Variants in TMEM117 observed in about 807,000 individuals in gnomAD.
TMEM117 encodes transmembrane protein 117.
In TMEM117, 27 loss-of-function variants were observed where a neutral mutation model predicts 52.4. The observed-to-expected ratio is 0.51, with a 90% CI of 0.38 to 0.71. TMEM117 has a LOEUF of 0.71. Ranked by LOEUF, TMEM117 falls within the 30% of genes least tolerant of loss-of-function variation. The pLI, the probability that TMEM117 is intolerant of heterozygous loss-of-function variation, is 0.00. For missense variants in TMEM117, 556 were observed against 630.5 expected (o/e 0.88, Z 1.26); for synonymous variants, 215 against 206.3 (o/e 1.04, Z -0.36).
chr12:43,950,422 G>T (rs924505490), intron 3 of TMEM117, among the ~76,000 whole-genome samples: 3 of 152,102 alleles, frequency 2.0e-5, no homozygotes, highest in Admixed American at 2.0e-4. Flanking sequence ...ATGGGTGATG[G>T]GTGTGGTGGA....
At chr12:44,343,802 A>T (rs1182471699) in intron 6 of TMEM117, among the ~76,000 whole-genome samples, 1 of 152,156 alleles carries the variant, frequency 6.6e-6, no homozygotes, top group Non-Finnish European at 1.5e-5. Flanking sequence ...CAGTGACTGA[A>T]CTTTAAAAAT....
intron 5 of TMEM117, among the ~76,000 whole-genome samples, chr12:44,283,566 C>T (rs1043905472): frequency 1.3e-5 from 2 of 152,294 alleles, no homozygotes; most frequent in Admixed American, 1.3e-4. Flanking sequence ...CCATTTCAAA[C>T]AGCTGTATTT....
the TMEM117 span, among the ~76,000 whole-genome samples, chr12:44,396,648 G>T: frequency 6.6e-6 from 1 of 152,126 alleles, no homozygotes; most frequent in Non-Finnish European, 1.5e-5. Flanking sequence ...AAGGTCAGGA[G>T]TTCGAGACCA....
chr12:43,898,058 A>G (rs977331154), intron 2 of TMEM117, among the ~76,000 whole-genome samples: 9 of 151,872 alleles, frequency 5.9e-5, no homozygotes, highest in Admixed American at 3.9e-4. Flanking sequence ...GCACACACAC[A>G]CACACACACA....
At chr12:44,068,998 G>C (rs946733588) in intron 3 of TMEM117, among the ~76,000 whole-genome samples, 1 of 152,158 alleles carries the variant, frequency 6.6e-6, no homozygotes, top group African/African-American at 2.4e-5. Context: ...TTACCAAGGA[G>C]TTTGAGCCCA....
At chr12:44,323,392 A>G (rs1277478579) in intron 6 of TMEM117, among the ~76,000 whole-genome samples, 1 of 152,218 alleles carries the variant, frequency 6.6e-6, no homozygotes, top group Non-Finnish European at 1.5e-5. Context: ...GCTAGCCAAT[A>G]GTCAAACATA....
chr12:43,795,827 G>C, the TMEM117 span: 1 of 1,467,794 alleles, frequency 6.8e-7, no homozygotes, highest in Non-Finnish European at 9.4e-7. Flanking sequence ...TCAGGTATAT[G>C]AATGCTCACA....
At chr12:44,337,682 G>T (rs1034242544) in intron 6 of TMEM117, among the ~76,000 whole-genome samples, 8 of 152,040 alleles carry the variant, frequency 5.3e-5, no homozygotes, top group African/African-American at 1.9e-4. Flanking sequence ...TAGAGATGAG[G>T]ATAACCAACC....
the TMEM117 span, among the ~76,000 whole-genome samples, chr12:44,395,379 T>G: frequency 6.6e-6 from 1 of 152,300 alleles, no homozygotes; most frequent in African/African-American, 2.4e-5. Context: ...AATCTCATAT[T>G]CTATTCCAAA....
At chr12:43,864,265 C>G (rs867764807) in intron 2 of TMEM117, among the ~76,000 whole-genome samples, 7 of 152,370 alleles carry the variant, frequency 4.6e-5, no homozygotes, top group South Asian at 2.1e-4. Flanking sequence ...ACCCACCGCC[C>G]AAGGGCTGAG....
chr12:44,034,663 A>G (rs563238482), intron 3 of TMEM117, among the ~76,000 whole-genome samples: 1 of 152,352 alleles, frequency 6.6e-6, no homozygotes, highest in African/African-American at 2.4e-5. Flanking sequence ...GAGAAAATGA[A>G]AATTCAAAAT....
chr12:44,363,299 C>T (rs532872522), intron 6 of TMEM117, among the ~76,000 whole-genome samples: 51 of 152,248 alleles, frequency 3.3e-4, no homozygotes, highest in African/African-American at 1.2e-3. Context: ...ATGTAAAAGG[C>T]TGCACCTAGT....
intron 5 of TMEM117, among the ~76,000 whole-genome samples, chr12:44,236,423 G>A (rs1467107089): frequency 2.6e-5 from 4 of 151,912 alleles, no homozygotes; most frequent in Non-Finnish European, 4.4e-5. Context: ...TTCAGCCATT[G>A]TTTTTTACTT....
intron 2 of TMEM117, among the ~76,000 whole-genome samples, chr12:43,938,107 G>C (rs935668998): frequency 6.6e-6 from 1 of 151,914 alleles, no homozygotes; most frequent in Non-Finnish European, 1.5e-5. Context: ...CTGACATCAG[G>C]GGGAGGGTGT....
rs545866860 is a variant in TMEM117, at chr12:43,844,982, T to G, written c.277+54T>G. ...ATCACTAATTATTTAATTTCTATTC[T>G]CCAAGATACAACTTTGCTATTTCTA... is the stretch of plus-strand genomic sequence containing the variant. On this transcript the variant is annotated intron_variant, in intron 2 of 7. Transcript: ENST00000266534. 25 of 1,548,322 alleles carry G rather than the reference T, an allele frequency of 1.6e-5. No homozygotes were observed. In the African/African-American group the frequency reaches 3.0e-4, roughly 19 times the overall value.
At chr12:43,842,095 C>A (rs907281861) in intron 1 of TMEM117, among the ~76,000 whole-genome samples, 3 of 152,076 alleles carry the variant, frequency 2.0e-5, no homozygotes, top group Non-Finnish European at 4.4e-5. Flanking sequence ...TGGACACTTC[C>A]AAAACTGTTG....
chr12:44,107,682 C>G (rs1186824059), intron 3 of TMEM117, among the ~76,000 whole-genome samples: 1 of 152,084 alleles, frequency 6.6e-6, no homozygotes, highest in Non-Finnish European at 1.5e-5. Flanking sequence ...TAATCAGCCT[C>G]CAATTATGAA....
intron 3 of TMEM117, among the ~76,000 whole-genome samples, chr12:44,123,151 C>G (rs1220633041): frequency 2.6e-5 from 4 of 152,034 alleles, no homozygotes; most frequent in African/African-American, 9.7e-5. Flanking sequence ...TTGCATTTCT[C>G]TAATAATCGT....
rs547960351 is a variant in TMEM117 at position 44,387,356 on chromosome 12, AAAT to A, written c.899-665_899-663del. Reference sequence around the variant, plus strand: ...ATAAGATTTTAAATATTAAAAAAAGAAATAATAGTTGCAATCTCTTCAAATATA... The same window carrying A: ...ATAAGATTTTAAATATTAAAAAAAGAAATAGTTGCAATCTCTTCAAATATA... On this transcript the variant is annotated intron_variant, in intron 7 of 7. Transcript: ENST00000266534. 7.9e-3 allele frequency among the ~76,000 whole-genome samples: 1,198 copies of A among 152,050 alleles called. 5 individuals carry two copies. The highest frequency in any genetic ancestry group is 0.011 in the Non-Finnish European group (774 of 67,950).
Sources: gnomAD v4.1 joint callset for allele counts (sites outside exome capture counted in the v4.1 genomes callset) on GRCh38, gnomAD v4.1.1 for gene constraint, MANE v1.5 for transcripts, NCBI Gene and HGNC (gene_info 2026-07-23, HGNC 2026-07-21) for gene names.